Variants in STK32B observed in about 807,000 individuals in gnomAD.
STK32B encodes serine/threonine kinase 32B.
Under a neutral mutation model 52.6 loss-of-function variants are expected in STK32B, and 43 were observed. The observed-to-expected ratio is 0.82, with a 90% CI of 0.64 to 1.05. The LOEUF is 1.05. STK32B is among the 50% of genes least tolerant of loss of function. STK32B has a pLI of 0.00. For missense variants in STK32B, 621 were observed against 534.6 expected (o/e 1.16, Z -1.59); for synonymous variants, 238 against 204.3 (o/e 1.17, Z -1.41).
intron 1 of STK32B, among the ~76,000 whole-genome samples, chr4:5,088,514 C>T (rs981876325): frequency 2.0e-5 from 3 of 152,002 alleles, no homozygotes; most frequent in African/African-American, 7.2e-5. Context: ...ATCCCATTCT[C>T]CATGATGTGA....
At chr4:5,300,063 C>G (rs557006867) in intron 3 of STK32B, among the ~76,000 whole-genome samples, 1 of 152,222 alleles carries the variant, frequency 6.6e-6, no homozygotes, top group African/African-American at 2.4e-5. Flanking sequence ...AAACCATATC[C>G]GGCAGCACAT....
intron 3 of STK32B, among the ~76,000 whole-genome samples, chr4:5,247,252 C>T (rs993959948): frequency 4.6e-5 from 7 of 152,178 alleles, no homozygotes; most frequent in Non-Finnish European, 8.8e-5. Flanking sequence ...CTTTTTTTAC[C>T]TACTCAAGCC....
chr4:5,152,702 C>T (rs1717472303), intron 2 of STK32B, among the ~76,000 whole-genome samples: 1 of 152,260 alleles, frequency 6.6e-6, no homozygotes, highest in African/African-American at 2.4e-5. Flanking sequence ...CATTGCCTGT[C>T]CTGCACCTTT....
At chr4:5,346,557 A>G (rs1474643119) in intron 4 of STK32B, among the ~76,000 whole-genome samples, 1 of 152,138 alleles carries the variant, frequency 6.6e-6, no homozygotes, top group Non-Finnish European at 1.5e-5. Context: ...GATTGGGGTC[A>G]CCCTGTGTGT....
At chr4:5,415,365 A>C (rs1712072178) in intron 5 of STK32B, among the ~76,000 whole-genome samples, 1 of 152,322 alleles carries the variant, frequency 6.6e-6, no homozygotes, top group African/African-American at 2.4e-5. Flanking sequence ...GCCCAAGGTT[A>C]TACAGCTACT....
intron 6 of STK32B, among the ~76,000 whole-genome samples, chr4:5,420,587 G>C (rs1712544473): frequency 6.6e-6 from 1 of 152,160 alleles, no homozygotes; most frequent in South Asian, 2.1e-4. Flanking sequence ...TGGAGAACCT[G>C]CCAGCACTGA....
intron 11 of STK32B, among the ~76,000 whole-genome samples, chr4:5,495,117 T>C (rs944330212): frequency 1.3e-5 from 2 of 152,226 alleles, no homozygotes; most frequent in Non-Finnish European, 2.9e-5. Context: ...ATCTGAATGT[T>C]GGCCTGCCTT....
intron 4 of STK32B, among the ~76,000 whole-genome samples, chr4:5,383,632 G>A (rs928212013): frequency 6.6e-6 from 1 of 152,160 alleles, no homozygotes; most frequent in African/African-American, 2.4e-5. Flanking sequence ...GGTGGAGGCT[G>A]TGACCAGCCT....
chr4:5,225,346 G>C (rs1723793025), intron 3 of STK32B, among the ~76,000 whole-genome samples: 1 of 152,130 alleles, frequency 6.6e-6, no homozygotes, highest in African/African-American at 2.4e-5. Flanking sequence ...GGCGGAGGTT[G>C]CTGTGAGCCG....
intron 6 of STK32B, among the ~76,000 whole-genome samples, chr4:5,430,361 G>A (rs1450561815): frequency 2.0e-5 from 3 of 152,134 alleles, no homozygotes; most frequent in Non-Finnish European, 2.9e-5. Flanking sequence ...CCTATTGGAA[G>A]CATTCTTTAT....
At chr4:5,042,558 G>A in the STK32B span, among the ~76,000 whole-genome samples, 1 of 152,136 alleles carries the variant, frequency 6.6e-6, no homozygotes, top group African/African-American at 2.4e-5. Context: ...AGTGTTAGGT[G>A]ACCAATTCCT....
At chr4:5,081,083 C>T (rs986508911) in intron 1 of STK32B, among the ~76,000 whole-genome samples, 1 of 152,312 alleles carries the variant, frequency 6.6e-6, no homozygotes, top group African/African-American at 2.4e-5. Context: ...CTGCATTTAG[C>T]ATAATGTCCA....
At chr4:5,047,677 G>A (rs1741645201), upstream of STK32B, among the ~76,000 whole-genome samples, 1 of 152,132 alleles carries the variant, frequency 6.6e-6, no homozygotes, top group Non-Finnish European at 1.5e-5. Context: ...CAGGGCTCCT[G>A]GATGACAGGA....
At chr4:5,100,496 CTT>C (rs1323917962) in intron 1 of STK32B, among the ~76,000 whole-genome samples, 26 of 105,092 alleles carry the variant, frequency 2.5e-4, no homozygotes, top group African/African-American at 6.9e-4. Flanking sequence ...CTTGCCTGCT[CTT>C]TTTCTTTTTC....
intron 1 of STK32B, among the ~76,000 whole-genome samples, chr4:5,094,619 C>T (rs1205043344): frequency 6.6e-6 from 1 of 152,132 alleles, no homozygotes; most frequent in East Asian, 1.9e-4. Context: ...TGTGTCACTG[C>T]ACTCCAGCCT....
the STK32B span, among the ~76,000 whole-genome samples, chr4:5,040,063 C>T: frequency 6.6e-6 from 1 of 152,164 alleles, no homozygotes; most frequent in Non-Finnish European, 1.5e-5. Context: ...GTCATCACAG[C>T]CTGCAGGAGT....
intron 5 of STK32B, among the ~76,000 whole-genome samples, chr4:5,408,955 T>A (rs555648312): frequency 6.6e-6 from 1 of 152,238 alleles, no homozygotes; most frequent in East Asian, 1.9e-4. Context: ...AGGAAGACAA[T>A]GGGGCTCAGA....
intron 3 of STK32B, among the ~76,000 whole-genome samples, chr4:5,235,393 A>G (rs971212615): frequency 6.6e-6 from 1 of 152,134 alleles, no homozygotes; most frequent in Admixed American, 6.5e-5. Context: ...ACTGTCCTCC[A>G]TTTCCTCATG....
chr4:5,165,165 A>G (rs542764726), intron 2 of STK32B, among the ~76,000 whole-genome samples: 2 of 152,136 alleles, frequency 1.3e-5, no homozygotes, highest in Non-Finnish European at 2.9e-5. Flanking sequence ...CAGATGATGA[A>G]TGGATGCCAG....
Sources: gnomAD v4.1 joint callset for allele counts (sites outside exome capture counted in the v4.1 genomes callset) on GRCh38, gnomAD v4.1.1 for gene constraint, MANE v1.5 for transcripts, NCBI Gene and HGNC (gene_info 2026-07-23, HGNC 2026-07-21) for gene names.